HCRTR2: variants seen among roughly 807,000 people sequenced by gnomAD.
HCRTR2 encodes orexin receptor type 2.
Under a neutral mutation model 49.0 loss-of-function variants are expected in HCRTR2, and 22 were observed. The ratio of observed to expected loss-of-function variants is 0.45; its 90% confidence interval spans 0.32 to 0.64. HCRTR2 has a LOEUF of 0.64. HCRTR2 is among the 30% of genes least tolerant of loss of function. The probability of loss-of-function intolerance (pLI) is 0.04; values close to 1 mark genes in which losing one functional copy is unlikely to be tolerated. For synonymous variants in HCRTR2, 236 were observed against 205.3 expected (o/e 1.15, Z -1.28); for missense variants, 491 against 559.4 (o/e 0.88, Z 1.23).
At chr6:55,107,616 AT>A (rs1433477264) in intron 1 of HCRTR2, among the ~76,000 whole-genome samples, 2 of 152,162 alleles carry the variant, frequency 1.3e-5, no homozygotes, top group Non-Finnish European at 2.9e-5. Flanking sequence ...CTTTAAAAAA[AT>A]GTATATATTA....
intron 1 of HCRTR2, among the ~76,000 whole-genome samples, chr6:55,197,006 C>A (rs187722904): frequency 6.6e-6 from 1 of 152,224 alleles, no homozygotes; most frequent in African/African-American, 2.4e-5. Context: ...GCCCTAACTG[C>A]ACCCTAATAT....
At chr6:55,121,673 G>A (rs1170800085) in intron 1 of HCRTR2, among the ~76,000 whole-genome samples, 1 of 152,042 alleles carries the variant, frequency 6.6e-6, no homozygotes, top group Non-Finnish European at 1.5e-5. Context: ...AGCATGAAAG[G>A]CTGTTGAATT....
intron 1 of HCRTR2, among the ~76,000 whole-genome samples, chr6:55,140,772 A>G (rs1764494983): frequency 6.6e-6 from 1 of 152,226 alleles, no homozygotes; most frequent in East Asian, 1.9e-4. Context: ...TTCAATTTTA[A>G]TTCCAATTTT....
intron 1 of HCRTR2, among the ~76,000 whole-genome samples, chr6:55,122,920 G>A (rs1409647008): frequency 1.5e-5 from 2 of 135,584 alleles, no homozygotes; most frequent in Non-Finnish European, 3.1e-5. Flanking sequence ...TGAACAATGA[G>A]AACTCTTGGA....
intron 1 of HCRTR2, among the ~76,000 whole-genome samples, chr6:55,130,041 C>G (rs1764332719): frequency 6.6e-6 from 1 of 151,996 alleles, no homozygotes; most frequent in Non-Finnish European, 1.5e-5. Flanking sequence ...GTTTCAAACT[C>G]ATTTTAAGTG....
intron 1 of HCRTR2, among the ~76,000 whole-genome samples, chr6:55,184,482 T>A (rs1228273119): frequency 6.6e-6 from 1 of 152,188 alleles, no homozygotes; most frequent in Non-Finnish European, 1.5e-5. Context: ...AATAAACAAT[T>A]TTCACATTTT....
chr6:55,262,128 G>A (rs1014473095), intron 3 of HCRTR2, among the ~76,000 whole-genome samples: 2 of 151,514 alleles, frequency 1.3e-5, no homozygotes, highest in Non-Finnish European at 2.9e-5. Context: ...GTGAGGGAGA[G>A]GGGGTGAAGG....
At chr6:55,280,175 C>A (rs1173842234) in intron 5 of HCRTR2, 148 bp from the exon 6 acceptor site, 5 of 622,246 alleles carry the variant, frequency 8.0e-6, no homozygotes, top group Non-Finnish European at 1.4e-5. Flanking sequence ...TGAAGTTATT[C>A]TAAACCAATT....
At chr6:55,245,802 G>T (rs939839750) in intron 1 of HCRTR2, among the ~76,000 whole-genome samples, 4 of 151,874 alleles carry the variant, frequency 2.6e-5, no homozygotes, top group Non-Finnish European at 5.9e-5. Context: ...CATAGCTGTT[G>T]TTGTTAAATA....
At chr6:55,108,227 C>T (rs544930905) in intron 1 of HCRTR2, among the ~76,000 whole-genome samples, 100 of 152,104 alleles carry the variant, frequency 6.6e-4, no homozygotes, top group South Asian at 1.2e-3. Context: ...CCCTTCAGAT[C>T]GGGAAAATGG....
chr6:55,239,990 CG>C (rs1218576261), intron 1 of HCRTR2, among the ~76,000 whole-genome samples: 3 of 151,760 alleles, frequency 2.0e-5, no homozygotes, highest in African/African-American at 7.3e-5. Flanking sequence ...TTGGCCAGGC[CG>C]GTCTTGAACA....
Position 55,123,726 on chromosome 6 carries a change from G to A in HCRTR2, c.-378+17181G>A, listed in dbSNP as rs376088269. ...CTACCAGCTCCTTTTTCTACCTCTG[G>A]TAGAATTCGGCTGTGAATCCATCTG... On this transcript the variant is annotated intron_variant, in intron 1 of 7. Transcript: ENST00000615358. 1.7e-4 allele frequency among the ~76,000 whole-genome samples: 26 copies of A among 152,184 alleles called. No homozygotes were observed. In the East Asian group the frequency reaches 4.3e-3, roughly 25 times the overall value.
At chr6:55,107,905 T>A (rs1400797016) in intron 1 of HCRTR2, among the ~76,000 whole-genome samples, 1 of 152,140 alleles carries the variant, frequency 6.6e-6, no homozygotes, top group East Asian at 1.9e-4. Context: ...CTAAATACCC[T>A]TCATAATTTT....
At chr6:55,217,633 G>A (rs565397001) in intron 1 of HCRTR2, among the ~76,000 whole-genome samples, 2 of 152,078 alleles carry the variant, frequency 1.3e-5, no homozygotes, top group South Asian at 4.1e-4. Flanking sequence ...CTTTCTGTCT[G>A]AAACCTCATA....
At chr6:55,197,690 C>T (rs962077936) in intron 1 of HCRTR2, among the ~76,000 whole-genome samples, 8 of 152,048 alleles carry the variant, frequency 5.3e-5, no homozygotes, top group Admixed American at 2.0e-4. Context: ...GGCGTGATCT[C>T]GGCTCACTGC....
At chr6:55,243,798 T>C (rs1310271334) in intron 1 of HCRTR2, among the ~76,000 whole-genome samples, 1 of 151,882 alleles carries the variant, frequency 6.6e-6, no homozygotes, top group Non-Finnish European at 1.5e-5. Flanking sequence ...ACAAAAGAAA[T>C]CCATAATGAT....
chr6:55,234,617 A>G (rs1164582467), intron 1 of HCRTR2, among the ~76,000 whole-genome samples: 1 of 152,192 alleles, frequency 6.6e-6, no homozygotes, highest in Non-Finnish European at 1.5e-5. Flanking sequence ...CCATTTTCTA[A>G]TTGGCAACAA....
rs1011489457 is a variant in HCRTR2, at chr6:55,258,149, T to C, written c.646+2770T>C. ...AGTATATTTTACAGTGTCATCTCTC[T>C]AAATTCAAATATTTTTAAAGGCCAA... On this transcript the variant is annotated intron_variant, in intron 3 of 6. Coordinates refer to ENST00000370862, the MANE Select transcript of HCRTR2 (RefSeq NM_001384272.1). Among the ~76,000 whole-genome samples the C allele has an allele frequency of 3.9e-5, 6 of 152,176 alleles. No individual in the cohort carries two copies. In the South Asian group the frequency reaches 1.0e-3, roughly 26 times the overall value.
chr6:55,111,282 A>G (rs1240068068), intron 1 of HCRTR2, among the ~76,000 whole-genome samples: 1 of 152,102 alleles, frequency 6.6e-6, no homozygotes, highest in Admixed American at 6.6e-5. Context: ...AGAACAAACC[A>G]AACCCAAACC....
Sources: allele counts gnomAD v4.1 joint callset (sites outside exome capture counted in the v4.1 genomes callset), GRCh38; gene constraint gnomAD v4.1.1; transcripts MANE v1.5; gene names NCBI Gene and HGNC (gene_info 2026-07-23, HGNC 2026-07-21).